Variants in GPC6 observed in about 807,000 individuals in gnomAD.
The protein encoded by GPC6 is glypican 6.
A neutral mutation model predicts 55.2 loss-of-function variants in GPC6; 14 were observed. The observed-to-expected ratio is 0.25, with a 90% CI of 0.17 to 0.40. The LOEUF (loss-of-function observed/expected upper bound fraction) is 0.40. Among genes scored for constraint, GPC6 ranks in the 10% least tolerant of loss-of-function variants. GPC6 has a pLI of 1.00. For missense variants in GPC6, 641 were observed against 708.5 expected, an observed-to-expected ratio of 0.90 and a Z score of 1.08; for synonymous variants, 278 against 259.6, an observed-to-expected ratio of 1.07 and a Z score of -0.68.
chr13:94,148,958 ACAT>A (rs386773490), intron 4 of GPC6, among the ~76,000 whole-genome samples: 4 of 151,978 alleles, frequency 2.6e-5, no homozygotes, highest in Non-Finnish European at 5.9e-5. Flanking sequence ...TGCCTAACAC[ACAT>A]ACACACACAC....
At chr13:93,788,012 T>C (rs1885869007) in intron 2 of GPC6, among the ~76,000 whole-genome samples, 1 of 152,204 alleles carries the variant, frequency 6.6e-6, no homozygotes, top group Non-Finnish European at 1.5e-5. Flanking sequence ...AGGTTATAGA[T>C]TGATAGATTA....
At chr13:93,944,826 G>A (rs1283475706) in intron 3 of GPC6, among the ~76,000 whole-genome samples, 3 of 152,162 alleles carry the variant, frequency 2.0e-5, no homozygotes, top group Non-Finnish European at 4.4e-5. Context: ...TATTCCTGCA[G>A]AAAGGGTTTG....
chr13:94,155,582 A>G (rs1312877470), intron 4 of GPC6, among the ~76,000 whole-genome samples: 7 of 152,130 alleles, frequency 4.6e-5, no homozygotes, highest in African/African-American at 1.7e-4. Flanking sequence ...GGGTGTGGAG[A>G]GAATTTGTCT....
intron 6 of GPC6, among the ~76,000 whole-genome samples, chr13:94,323,597 G>T (rs1876957338): frequency 6.6e-6 from 1 of 152,100 alleles, no homozygotes; most frequent in African/African-American, 2.4e-5. Flanking sequence ...GGGTAGGAGG[G>T]TGGGAGGGTG....
intron 1 of GPC6, among the ~76,000 whole-genome samples, chr13:93,343,374 G>A (rs1464442106): frequency 1.3e-5 from 2 of 152,082 alleles, no homozygotes; most frequent in East Asian, 3.9e-4. Context: ...AGAGACCATC[G>A]AGCCTGTGAG....
Position 93,878,341 on chromosome 13 carries a change from T to A in GPC6, c.711+47796T>A, listed in dbSNP as rs79594791. 8.1e-3 allele frequency among the ~76,000 whole-genome samples: 1,238 copies of A among 152,160 alleles called. 19 individuals are homozygous for A. Among genetic ancestry groups the A allele is most frequent in the African/African-American group, 0.029 (1,184 of 41,542 alleles). Reference sequence around the variant, plus strand: ...AATTCAGTCCCTGTAGGTCTTCTGCTCTTCCACCAAGTGAGGACACAGTGT... The same window carrying A: ...AATTCAGTCCCTGTAGGTCTTCTGCACTTCCACCAAGTGAGGACACAGTGT... On this transcript the variant is annotated intron_variant, in intron 3 of 8. Transcript: ENST00000377047.
intron 4 of GPC6, among the ~76,000 whole-genome samples, chr13:94,054,289 G>T (rs1161543818): frequency 6.6e-6 from 1 of 152,194 alleles, no homozygotes; most frequent in Admixed American, 6.6e-5. Context: ...CACGGAGGAT[G>T]GCTGATTGTC....
intron 2 of GPC6, among the ~76,000 whole-genome samples, chr13:93,667,026 A>C (rs1881167011): frequency 6.6e-6 from 1 of 152,218 alleles, no homozygotes; most frequent in African/African-American, 2.4e-5. Context: ...TGTATTTGAA[A>C]AAAAGAAATA....
chr13:93,575,815 A>G lies in GPC6; in HGVS notation c.319+30394A>G, dbSNP rs367595676. Among the ~76,000 whole-genome samples, 39 of 152,132 alleles carry G rather than the reference A, an allele frequency of 2.6e-4. 1 individual carries two copies. In the South Asian group the frequency reaches 7.9e-3, roughly 31 times the overall value. ...TTTAAAAATCAATCAGCTTAATGTC[A>G]TCTCTGTGGTGCATGCTTCTTAAGA... On this transcript the variant is annotated intron_variant, in intron 2 of 8. Coordinates refer to ENST00000377047, the MANE Select transcript of GPC6 (RefSeq NM_005708.5).
chr13:94,124,372 A>G (rs1886735540), intron 4 of GPC6, among the ~76,000 whole-genome samples: 1 of 152,142 alleles, frequency 6.6e-6, no homozygotes, highest in Non-Finnish European at 1.5e-5. Context: ...CACTAAGTCT[A>G]AGCTCAGCTT....
intron 2 of GPC6, among the ~76,000 whole-genome samples, chr13:93,690,089 C>G (rs1443172190): frequency 6.6e-6 from 1 of 152,046 alleles, no homozygotes; most frequent in Non-Finnish European, 1.5e-5. Context: ...GATGATTGCA[C>G]TTTGAATTAA....
chr13:94,372,546 C>T (rs529840652), intron 6 of GPC6, among the ~76,000 whole-genome samples: 1 of 152,324 alleles, frequency 6.6e-6, no homozygotes, highest in African/African-American at 2.4e-5. Flanking sequence ...TATCCCGCAC[C>T]TGGCTCGGAG....
chr13:93,849,896 G>A (rs1196522830), intron 3 of GPC6, among the ~76,000 whole-genome samples: 2 of 151,766 alleles, frequency 1.3e-5, no homozygotes, highest in African/African-American at 4.8e-5. Context: ...GAATTATTAA[G>A]GAGAAAGGAA....
chr13:94,216,147 T>C (rs1314568487), intron 4 of GPC6, among the ~76,000 whole-genome samples: 1 of 152,256 alleles, frequency 6.6e-6, no homozygotes, highest in Non-Finnish European at 1.5e-5. Context: ...CCTCATTGTA[T>C]TCATTTCTCT....
intron 4 of GPC6, among the ~76,000 whole-genome samples, chr13:94,071,547 A>T (rs974353106): frequency 2.0e-5 from 3 of 152,202 alleles, no homozygotes; most frequent in African/African-American, 7.2e-5. Context: ...TTTGACAATC[A>T]GGAGGCTGTA....
At chr13:94,209,525 C>A (rs940805239) in intron 4 of GPC6, among the ~76,000 whole-genome samples, 1 of 151,974 alleles carries the variant, frequency 6.6e-6, no homozygotes, top group African/African-American at 2.4e-5. Context: ...TGCAGAAATA[C>A]GCCATAAAAA....
chr13:94,361,771 T>C (rs1879070961), intron 6 of GPC6, among the ~76,000 whole-genome samples: 1 of 152,238 alleles, frequency 6.6e-6, no homozygotes, highest in South Asian at 2.1e-4. Flanking sequence ...ATGTTTAAAA[T>C]TGTTGTTTGG....
In GPC6 at chr13:93,359,775, A is replaced by G. The variant is rs114773516; in HGVS notation, c.160+132159A>G. Among the ~76,000 whole-genome samples the G allele has an allele frequency of 7.3e-3, 1,114 of 152,322 alleles. 13 individuals carry two copies. Among genetic ancestry groups the G allele is most frequent in the African/African-American group, 0.025 (1,054 of 41,572 alleles). ...AATTTACCTGGAGGAAGGCAAGGTA[A>G]GTCTGCAAACATAGAGCATGTGGAT... On this transcript the variant is annotated intron_variant, in intron 1 of 8. Coordinates refer to ENST00000377047, the MANE Select transcript of GPC6 (RefSeq NM_005708.5).
intron 1 of GPC6, among the ~76,000 whole-genome samples, chr13:93,318,137 G>A (rs896137279): frequency 1.8e-4 from 28 of 152,136 alleles, no homozygotes; most frequent in African/African-American, 6.8e-4. Flanking sequence ...TAGGTTTAGT[G>A]TCTTGTATCT....
Sources: gnomAD v4.1 joint callset for allele counts (sites outside exome capture counted in the v4.1 genomes callset) on GRCh38, gnomAD v4.1.1 for gene constraint, MANE v1.5 for transcripts, NCBI Gene and HGNC (gene_info 2026-07-23, HGNC 2026-07-21) for gene names.